The following RAPH1 variants were observed in gnomAD, a reference collection of about 807,000 sequenced individuals.
RAPH1 encodes Ras association (RalGDS/AF-6) and pleckstrin homology domains 1.
A neutral mutation model predicts 88.1 loss-of-function variants in RAPH1; 18 were observed. The observed-to-expected ratio is 0.20, with a 90% CI of 0.14 to 0.30. RAPH1 has a LOEUF of 0.30. RAPH1 is among the 10% of genes least tolerant of loss of function. RAPH1 has a pLI of 1.00. For synonymous variants in RAPH1, 587 were observed against 559.0 expected, an observed-to-expected ratio of 1.05 and a Z score of -0.71; for missense variants, 1,448 against 1,543.2, an observed-to-expected ratio of 0.94 and a Z score of 1.03.
rs1259690271 is a variant in RAPH1, at chr2:203,495,228, A to G, written c.120+6T>C. The G allele has an allele frequency of 6.2e-7, 1 of 1,613,832 alleles. No homozygotes were observed. The highest frequency in any genetic ancestry group is 8.5e-7 in the Non-Finnish European group (1 of 1,179,992). On this transcript the variant is annotated splice_donor_region_variant and intron_variant, in intron 2 of 13. Coordinates refer to ENST00000319170, the MANE Select transcript of RAPH1 (RefSeq NM_213589.3). The stretch of plus-strand genomic sequence containing the variant: ...ATCCTCAACCAGTTTTTCAAGCACT[A>G]CTCACCTGAGTGAGTTTGTCTAGTT...
chr2:203,515,554 T>C (rs949687437), intron 1 of RAPH1, among the ~76,000 whole-genome samples: 4 of 152,206 alleles, frequency 2.6e-5, no homozygotes, highest in African/African-American at 9.7e-5. Flanking sequence ...GCATTGCCAG[T>C]TGAAGAAAAT....
Position 203,440,549 on chromosome 2 carries a change from G to T in RAPH1, c.2641C>A (p.Gln881Lys), listed in dbSNP as rs1278221738. 1 of 1,546,356 alleles carries T rather than the reference G, an allele frequency of 6.5e-7. No homozygotes were observed. The highest frequency in any genetic ancestry group is 8.7e-7 in the Non-Finnish European group (1 of 1,146,820). ...PPPTPPAMES[Q>K]PLKPVPANVA... Reference sequence around the variant, plus strand: ...TTTGCTGGGACAGGCTTTAAGGGCTGAGATTCCATGGCAGGGGGAGTTGGA... The same window carrying T: ...TTTGCTGGGACAGGCTTTAAGGGCTTAGATTCCATGGCAGGGGGAGTTGGA... The change falls in exon 14 of 14, where the codon CAG (glutamine) becomes AAG (lysine). Residue 881 changes from glutamine (Q) to lysine (K), a missense_variant. Transcript: ENST00000319170.
chr2:203,444,695 T>C, intron 13 of RAPH1, 173 bp downstream of exon 13: 1 of 470,584 alleles, frequency 2.1e-6, no homozygotes, highest in East Asian at 3.4e-5. Context: ...GGAAGTCAAA[T>C]CAACAGGTCT....
At chr2:203,517,752 A>C (rs1689681546) in intron 1 of RAPH1, among the ~76,000 whole-genome samples, 1 of 152,196 alleles carries the variant, frequency 6.6e-6, no homozygotes, top group African/African-American at 2.4e-5. Context: ...ATTACACAAC[A>C]ACCTCTTAAA....
At chr2:203,498,550 C>T (rs951529914) in intron 1 of RAPH1, among the ~76,000 whole-genome samples, 1 of 152,162 alleles carries the variant, frequency 6.6e-6, no homozygotes, top group African/African-American at 2.4e-5. Context: ...GCTTAGAGGA[C>T]AGCACTCCAG....
At chr2:203,470,345 A>C (rs1270143963) in intron 4 of RAPH1, 1 of 1,489,766 alleles carries the variant, frequency 6.7e-7, no homozygotes, top group South Asian at 1.2e-5. Context: ...CAAACAAAAA[A>C]AGGCAATAAC....
At chr2:203,508,291 G>A in intron 1 of RAPH1, among the ~76,000 whole-genome samples, 1 of 150,790 alleles carries the variant, frequency 6.6e-6, no homozygotes, top group East Asian at 1.9e-4. Flanking sequence ...GCACCACCAT[G>A]CCTGGCTAAT....
Position 203,437,454 on chromosome 2 carries a change from C to G in RAPH1, c.*1983G>C, listed in dbSNP as rs992512236. 2.6e-5 allele frequency: 4 copies of G among 152,212 alleles called. No homozygotes were observed. Among genetic ancestry groups the G allele is most frequent in the Non-Finnish European group, 5.9e-5 (4 of 68,036 alleles). 9.4% of individuals were successfully genotyped at this position (152,212 alleles called of 1,614,324 possible). On this transcript the variant is annotated 3_prime_UTR_variant, in exon 14 of 14. Transcript: ENST00000319170. The stretch of plus-strand genomic sequence containing the variant: ...ATGAATCACAGTAGCGCTTGGCAAT[C>G]TACTCAAACATTACCCAAATTTCTG...
chr2:203,481,610 G>A (rs1373815908), intron 4 of RAPH1, among the ~76,000 whole-genome samples: 1 of 121,378 alleles, frequency 8.2e-6, no homozygotes, highest in Non-Finnish European at 1.7e-5. Context: ...TTTTTTTTTT[G>A]AGATGGAGGC....
chr2:203,529,150 T>C (rs1690274095), intron 1 of RAPH1, among the ~76,000 whole-genome samples: 1 of 151,116 alleles, frequency 6.6e-6, no homozygotes, highest in Admixed American at 6.6e-5. Flanking sequence ...TGCCTAATTT[T>C]TGTATATTTT....
rs759215750 is a variant in RAPH1 at position 203,440,316 on chromosome 2, T to C, written c.2874A>G (p.Lys958=). 6.2e-7 allele frequency: 1 copy of C among 1,613,044 alleles called. No homozygotes were observed. ...PTPDKSGSPG[K]KTSKTSSPGG... is the part of the protein sequence containing the mutation. ...CAGGGCTGGACGTCTTACTGGTCTT[T>C]TTGCCTGGAGATCCACTTTTGTCAG... The change falls in exon 14 of 14, where the codon AAA becomes AAG. Residue 958 remains lysine (K), a synonymous_variant. Transcript: ENST00000319170.
At chr2:203,457,623 G>A in intron 7 of RAPH1, 28 bp from the exon 8 acceptor site, 1 of 1,500,516 alleles carries the variant, frequency 6.7e-7, no homozygotes. Flanking sequence ...TGGAAGGGAT[G>A]GGTGGGAGAG....
chr2:203,505,823 G>C (rs192720282), intron 1 of RAPH1, among the ~76,000 whole-genome samples: 1 of 152,280 alleles, frequency 6.6e-6, no homozygotes, highest in East Asian at 1.9e-4. Context: ...CAAATGAATA[G>C]TTACTATACA....
intron 4 of RAPH1, chr2:203,476,935 A>T (rs1687481957): frequency 3.3e-6 from 2 of 601,200 alleles, no homozygotes; most frequent in Non-Finnish European, 5.9e-6. Flanking sequence ...AAAGTTGCTT[A>T]TTTGTTTTTG....
intron 1 of RAPH1, among the ~76,000 whole-genome samples, chr2:203,505,358 C>A (rs1478004198): frequency 1.3e-5 from 2 of 152,036 alleles, no homozygotes. Flanking sequence ...AAGTGGAAAC[C>A]CCTGATAAAC....
At chr2:203,442,246 G>A (rs1218002714) in intron 13 of RAPH1, 2 of 596,618 alleles carry the variant, frequency 3.4e-6, no homozygotes, top group Non-Finnish European at 5.6e-6. Context: ...ACCCATCTGG[G>A]TAGCTGAAAT....
chr2:203,519,189 T>C (rs1468059207), intron 1 of RAPH1, among the ~76,000 whole-genome samples: 1 of 148,194 alleles, frequency 6.7e-6, no homozygotes, highest in Admixed American at 6.6e-5. Context: ...AGAAAGACAT[T>C]ATAGGAAAAG....
chr2:203,438,445 T>C lies in RAPH1; in HGVS notation c.*992A>G, dbSNP rs2098500260. 3.2e-6 allele frequency: 1 copy of C among 309,388 alleles called. No homozygotes were observed. The highest frequency in any genetic ancestry group is 2.8e-5 in the South Asian group (1 of 35,478). 19.2% of individuals were successfully genotyped at this position (309,388 alleles called of 1,614,324 possible). A position where few individuals can be genotyped will look rare whatever the true frequency, so the allele number is the denominator to read the frequency against. The stretch of plus-strand genomic sequence containing the variant: ...ATTTCATATACCAATTGTCTACAGA[T>C]ATGTAATAACACCTACCTAAAGCAC... On this transcript the variant is annotated 3_prime_UTR_variant, in exon 14 of 14. Coordinates refer to ENST00000319170, the MANE Select transcript of RAPH1 (RefSeq NM_213589.3).
At chr2:203,480,114 A>G (rs1272162550) in intron 4 of RAPH1, among the ~76,000 whole-genome samples, 1 of 152,244 alleles carries the variant, frequency 6.6e-6, no homozygotes, top group Non-Finnish European at 1.5e-5. Context: ...CTTTCTATCA[A>G]TCTTATAAAA....
Sources: allele counts gnomAD v4.1 joint callset (sites outside exome capture counted in the v4.1 genomes callset), GRCh38; gene constraint gnomAD v4.1.1; transcripts MANE v1.5; gene names NCBI Gene and HGNC (gene_info 2026-07-23, HGNC 2026-07-21).